SMYD3: variants seen among roughly 807,000 people sequenced by gnomAD.
SMYD3 encodes histone-lysine N-methyltransferase SMYD3.
SMYD3 carries 36 observed loss-of-function variants against 57.7 expected under a neutral mutation model. The ratio of observed to expected loss-of-function variants is 0.62; its 90% CI spans 0.48 to 0.82. SMYD3 has a LOEUF of 0.82. Ranked by LOEUF, SMYD3 falls within the 40% of genes least tolerant of loss-of-function variation. SMYD3 has a pLI of 0.00. For synonymous variants in SMYD3, 211 were observed against 195.0 expected, an observed-to-expected ratio of 1.08 and a Z score of -0.68; for missense variants, 515 against 538.8, an observed-to-expected ratio of 0.96 and a Z score of 0.44.
At chr1:246,403,780 G>A (rs1036807848) in intron 1 of SMYD3, among the ~76,000 whole-genome samples, 5 of 152,112 alleles carry the variant, frequency 3.3e-5, no homozygotes, top group Non-Finnish European at 5.9e-5. Flanking sequence ...GTAATGCTGA[G>A]CATTTTTAAA....
intron 5 of SMYD3, among the ~76,000 whole-genome samples, chr1:246,297,591 GA>G (rs2064819832): frequency 6.6e-6 from 1 of 152,148 alleles, no homozygotes; most frequent in East Asian, 1.9e-4. Context: ...AATAAGGACA[GA>G]ACCTGAAATT....
At chr1:245,786,465 G>A (rs945225137) in intron 10 of SMYD3, among the ~76,000 whole-genome samples, 24 of 152,076 alleles carry the variant, frequency 1.6e-4, no homozygotes, top group Non-Finnish European at 2.2e-4. Flanking sequence ...TCTTCACGGC[G>A]TGAAAGGGCT....
intron 10 of SMYD3, among the ~76,000 whole-genome samples, chr1:245,854,795 T>C (rs1430503871): frequency 6.6e-6 from 1 of 152,104 alleles, no homozygotes; most frequent in African/African-American, 2.4e-5. Flanking sequence ...ACGTGAACAG[T>C]TCTGAAGGGA....
At chr1:246,500,747 G>A (rs1262781555) in intron 1 of SMYD3, among the ~76,000 whole-genome samples, 1 of 152,164 alleles carries the variant, frequency 6.6e-6, no homozygotes, top group Non-Finnish European at 1.5e-5. Flanking sequence ...CAAGCACCAG[G>A]CTGTCTGAAG....
intron 8 of SMYD3, among the ~76,000 whole-genome samples, chr1:245,866,318 T>C (rs1214950775): frequency 7.4e-6 from 1 of 135,752 alleles, no homozygotes; most frequent in Non-Finnish European, 1.5e-5. Context: ...GCTGTGTGTC[T>C]GTGTGATATA....
chr1:246,412,807 G>A (rs369324957), intron 1 of SMYD3, among the ~76,000 whole-genome samples: 3 of 143,852 alleles, frequency 2.1e-5, no homozygotes, highest in South Asian at 4.3e-4. Context: ...GCTGTGAGCC[G>A]AGATCGCACC....
chr1:246,348,059 G>GCCA (rs1553336522), intron 2 of SMYD3, among the ~76,000 whole-genome samples: 47 of 46,114 alleles, frequency 1.0e-3, no homozygotes, highest in African/African-American at 2.4e-3. Flanking sequence ...TAAAGAAAAC[G>GCCA]TTATATATAT....
chr1:246,166,301 A>G (rs1361851762), intron 5 of SMYD3, among the ~76,000 whole-genome samples: 2 of 152,156 alleles, frequency 1.3e-5, no homozygotes, highest in Non-Finnish European at 1.5e-5. Flanking sequence ...CTAAAGAAAA[A>G]AAGGTACATG....
At chr1:245,995,680 T>C (rs1197992440) in intron 5 of SMYD3, among the ~76,000 whole-genome samples, 1 of 152,196 alleles carries the variant, frequency 6.6e-6, no homozygotes, top group Non-Finnish European at 1.5e-5. Flanking sequence ...GAGAGACTAA[T>C]GCAGCCTGCA....
intron 1 of SMYD3, among the ~76,000 whole-genome samples, chr1:246,403,908 T>C (rs149361240): frequency 6.6e-6 from 1 of 152,316 alleles, no homozygotes; most frequent in African/African-American, 2.4e-5. Context: ...ATACAAAGCA[T>C]GTGAAACGTC....
At chr1:246,252,559 AT>A (rs2063814903) in intron 5 of SMYD3, among the ~76,000 whole-genome samples, 1 of 152,132 alleles carries the variant, frequency 6.6e-6, no homozygotes, top group African/African-American at 2.4e-5. Context: ...TTAAAAAAAA[AT>A]CCATGTATTT....
At chr1:246,453,494 CA>C (rs984002122) in intron 1 of SMYD3, among the ~76,000 whole-genome samples, 17 of 152,038 alleles carry the variant, frequency 1.1e-4, no homozygotes, top group African/African-American at 4.1e-4. Context: ...ACACTACTGA[CA>C]AAAAAGGTAA....
At chr1:246,127,541 A>T (rs1009541635) in intron 5 of SMYD3, among the ~76,000 whole-genome samples, 1 of 152,174 alleles carries the variant, frequency 6.6e-6, no homozygotes, top group Non-Finnish European at 1.5e-5. Flanking sequence ...GTCTGTAAGC[A>T]AAAAGAACTA....
chr1:245,771,524 A>G (rs1572289216), intron 10 of SMYD3, among the ~76,000 whole-genome samples: 1 of 152,374 alleles, frequency 6.6e-6, no homozygotes, highest in East Asian at 1.9e-4. Context: ...TGAACAGTAT[A>G]TAACAGCCTT....
chr1:245,780,957 G>A (rs2046807014), intron 10 of SMYD3, among the ~76,000 whole-genome samples: 1 of 152,158 alleles, frequency 6.6e-6, no homozygotes, highest in Non-Finnish European at 1.5e-5. Context: ...CAACATGAAT[G>A]AACCTTAGTA....
intron 1 of SMYD3, among the ~76,000 whole-genome samples, chr1:246,424,943 T>A (rs139244201): frequency 5.7e-4 from 87 of 152,364 alleles, no homozygotes; most frequent in African/African-American, 2.0e-3. Flanking sequence ...ATTTCTTATA[T>A]ACTTTACATA....
At chr1:246,023,040 C>G (rs2059501126) in intron 5 of SMYD3, among the ~76,000 whole-genome samples, 1 of 152,206 alleles carries the variant, frequency 6.6e-6, no homozygotes, top group Non-Finnish European at 1.5e-5. Flanking sequence ...CACCGAACTT[C>G]TCTACCAATC....
At chr1:246,219,748 T>C (rs1367172075) in intron 5 of SMYD3, among the ~76,000 whole-genome samples, 4 of 152,166 alleles carry the variant, frequency 2.6e-5, no homozygotes, top group African/African-American at 9.7e-5. Context: ...AGCCCCCAGA[T>C]GCAGCTGCAG....
chr1:246,055,230 C>G (rs1269372986), intron 5 of SMYD3, among the ~76,000 whole-genome samples: 1 of 151,980 alleles, frequency 6.6e-6, no homozygotes, highest in Non-Finnish European at 1.5e-5. Flanking sequence ...AAACTGGAAG[C>G]CTTGTGCGTT....
Sources: gnomAD v4.1 joint callset for allele counts (sites outside exome capture counted in the v4.1 genomes callset) on GRCh38, gnomAD v4.1.1 for gene constraint, MANE v1.5 for transcripts, NCBI Gene and HGNC (gene_info 2026-07-23, HGNC 2026-07-21) for gene names.